DLEU7: variants seen among roughly 807,000 people sequenced by gnomAD.
The protein encoded by DLEU7 is deleted in lymphocytic leukemia 7, also known as leukemia-associated protein 7.
A neutral mutation model predicts 16.0 loss-of-function variants in DLEU7; 17 were observed. The observed-to-expected ratio is 1.06, with a 90% CI of 0.73 to 1.59. DLEU7 has a LOEUF of 1.59. Among genes scored for constraint, DLEU7 ranks in the 40% most tolerant of loss-of-function variants. The pLI, the probability that DLEU7 is intolerant of heterozygous loss-of-function variation, is 0.00. For synonymous variants in DLEU7, 113 were observed against 139.8 expected (o/e 0.81, Z 1.35); for missense variants, 308 against 314.9 (o/e 0.98, Z 0.17).
chr13:50,731,650 G>A (rs528341157), intron 1 of DLEU7, among the ~76,000 whole-genome samples: 1 of 152,124 alleles, frequency 6.6e-6, no homozygotes, highest in African/African-American at 2.4e-5. Flanking sequence ...CAATGACTTA[G>A]AAGTATTTTC....
chr13:50,736,200 T>C (rs924660191), intron 1 of DLEU7, among the ~76,000 whole-genome samples: 1 of 152,132 alleles, frequency 6.6e-6, no homozygotes, highest in Non-Finnish European at 1.5e-5. Flanking sequence ...AAAGAAAGAA[T>C]GTCCTTTTCA....
chr13:50,838,644 T>C (rs1305772473), intron 1 of DLEU7, among the ~76,000 whole-genome samples: 2 of 152,200 alleles, frequency 1.3e-5, no homozygotes, highest in Non-Finnish European at 2.9e-5. Flanking sequence ...CAGGTGGCCA[T>C]GATGGAAGGA....
At chr13:50,840,613 C>T (rs1296617107) in intron 1 of DLEU7, among the ~76,000 whole-genome samples, 2 of 151,912 alleles carry the variant, frequency 1.3e-5, no homozygotes, top group South Asian at 4.2e-4. Context: ...TTGCTCATGA[C>T]AAGGAAGGGA....
downstream of DLEU7, among the ~76,000 whole-genome samples, chr13:50,819,702 C>T (rs1876839960): frequency 6.6e-6 from 1 of 152,068 alleles, no homozygotes; most frequent in Admixed American, 6.6e-5. Context: ...AGTATAAGAG[C>T]CATAGCCAAC....
intron 1 of DLEU7, among the ~76,000 whole-genome samples, chr13:50,792,639 A>C (rs1875992588): frequency 6.6e-6 from 1 of 151,982 alleles, no homozygotes; most frequent in Non-Finnish European, 1.5e-5. Flanking sequence ...ATCAAATTTA[A>C]CTCACACTTG....
At chr13:50,821,365 A>T (rs768123230), downstream of DLEU7, among the ~76,000 whole-genome samples, 2 of 152,170 alleles carry the variant, frequency 1.3e-5, no homozygotes, top group Non-Finnish European at 2.9e-5. Context: ...AGGGGCAACC[A>T]AAGTTCTAGT....
rs1402990913 is a variant in DLEU7 at position 50,726,955 on chromosome 13, A to G, written c.460-13715T>C. Among the ~76,000 whole-genome samples the G allele has an allele frequency of 1.3e-5, 2 of 152,098 alleles. No homozygotes were observed. Among genetic ancestry groups the G allele is most frequent in the African/African-American group, 4.8e-5 (2 of 41,416 alleles). ...GAAAGTGGGGGCACGGGGAAGGTGA[A>G]ATTATTTATATCCTCAATTTTATAT... On this transcript the variant is annotated intron_variant, in intron 1 of 1. Transcript: ENST00000400393. The surrounding 1 kb of genome is among the most constrained non-coding windows in gnomAD (Gnocchi z 4.0).
At chr13:50,736,718 G>C (rs968241182) in intron 1 of DLEU7, among the ~76,000 whole-genome samples, 1 of 151,656 alleles carries the variant, frequency 6.6e-6, no homozygotes, top group Non-Finnish European at 1.5e-5. Flanking sequence ...AAGAAATTTA[G>C]CAGAGCCGAT....
rs775971997 is a variant in DLEU7 at position 50,843,534 on chromosome 13, C to T, written c.113G>A (p.Gly38Glu). 357 of 1,438,060 alleles carry T rather than the reference C, an allele frequency of 2.5e-4. No homozygotes were observed. Among genetic ancestry groups the T allele is most frequent in the Non-Finnish European group, 3.1e-4 (338 of 1,106,438 alleles). The allele number at this position is 1,438,060 out of a possible 1,614,324, so 89.1% of individuals were successfully genotyped here. Reference protein sequence around the residue: ...WGWGDGPVAPGNPRDPDHVST... With the variant: ...WGWGDGPVAPENPRDPDHVST... The stretch of plus-strand genomic sequence containing the variant: ...CACGTGGTCTGGGTCCCGCGGGTTC[C>T]CGGGGGCGACTGGACCGTCCCCCCA... Residue 38 changes from glycine to glutamate, a missense_variant, in exon 1 of 2, where the codon GGG becomes GAG. Transcript: ENST00000504404. This position sits in a 1 kb window ranked among gnomAD's most constrained non-coding sequence, Gnocchi z 5.7.
rs572017041 is a variant in DLEU7 at position 50,747,108 on chromosome 13, C to A, written c.460-33868G>T. On this transcript the variant is annotated intron_variant, in intron 1 of 1. Coordinates refer to the DLEU7 transcript ENST00000400393. The stretch of plus-strand genomic sequence containing the variant: ...ACGAAAGATAGAATTTTGATAATTT[C>A]TGAATGGGTTAGAATTGTTATTGTT... 4.7e-4 allele frequency among the ~76,000 whole-genome samples: 71 copies of A among 152,088 alleles called. 1 individual carries two copies. In the South Asian group the frequency reaches 0.014, roughly 31 times the overall value.
At chr13:50,787,536 T>G (rs1027865421) in intron 1 of DLEU7, among the ~76,000 whole-genome samples, 3 of 152,080 alleles carry the variant, frequency 2.0e-5, no homozygotes, top group Non-Finnish European at 2.9e-5. Context: ...AGAAGTCACC[T>G]GAACCACCTC....
At chr13:50,748,228 CTTTTTT>C (rs71085044) in intron 1 of DLEU7, among the ~76,000 whole-genome samples, 93 of 89,256 alleles carry the variant, frequency 1.0e-3, no homozygotes, top group South Asian at 7.5e-3. Context: ...ACTCCTTAAA[CTTTTTT>C]TTTTTTTTTT....
At chr13:50,753,596 C>CT (rs1274945830) in intron 1 of DLEU7, among the ~76,000 whole-genome samples, 2 of 152,188 alleles carry the variant, frequency 1.3e-5, no homozygotes, top group South Asian at 2.1e-4. Flanking sequence ...AGGCCAGCTG[C>CT]TCTGAGTGGA....
chr13:50,746,751 G>A (rs1056593499), intron 1 of DLEU7, among the ~76,000 whole-genome samples: 2 of 152,098 alleles, frequency 1.3e-5, no homozygotes, highest in African/African-American at 4.8e-5. Context: ...AGGTGAAGAT[G>A]ACAGAAAGAT....
intron 1 of DLEU7, among the ~76,000 whole-genome samples, chr13:50,771,975 T>C (rs993433901): frequency 6.6e-6 from 1 of 152,212 alleles, no homozygotes; most frequent in African/African-American, 2.4e-5. Context: ...ATATTTAGGA[T>C]AGTTAGCGCT....
intron 1 of DLEU7, among the ~76,000 whole-genome samples, chr13:50,771,893 GAGTCTA>G (rs1319744492): frequency 6.6e-6 from 1 of 152,132 alleles, no homozygotes; most frequent in Non-Finnish European, 1.5e-5. Flanking sequence ...TATTGTGTGG[GAGTCTA>G]AGTCTCTTTG....
chr13:50,822,785 C>T (rs2137801408), downstream of DLEU7: 1 of 985,644 alleles, frequency 1.0e-6, no homozygotes, highest in South Asian at 4.7e-5. Context: ...TTATTAATGT[C>T]AGGATTGAAG....
chr13:50,782,804 C>T (rs538227739), intron 1 of DLEU7, among the ~76,000 whole-genome samples: 1 of 150,642 alleles, frequency 6.6e-6, no homozygotes, highest in Non-Finnish European at 1.5e-5. Context: ...TTCAGGATAA[C>T]TTCTAATCAT....
chr13:50,838,079 A>G (rs1006019340), intron 1 of DLEU7, among the ~76,000 whole-genome samples: 2 of 152,100 alleles, frequency 1.3e-5, no homozygotes, highest in Non-Finnish European at 2.9e-5. Context: ...TTTTTTACCA[A>G]TGGGGAAAAA....
Sources: allele counts gnomAD v4.1 joint callset (sites outside exome capture counted in the v4.1 genomes callset), GRCh38; gene constraint gnomAD v4.1.1; non-coding constraint Gnocchi (gnomAD v3.1); transcripts MANE v1.5; gene names NCBI Gene and HGNC (gene_info 2026-07-23, HGNC 2026-07-21).